Variants in MEGF11 observed in about 807,000 individuals in gnomAD.
The protein encoded by MEGF11 is multiple epidermal growth factor-like domains protein 11.
A neutral mutation model predicts 146.6 loss-of-function variants in MEGF11; 126 were observed. The observed-to-expected ratio is 0.86, with a 90% CI of 0.74 to 1.00. The LOEUF (loss-of-function observed/expected upper bound fraction) is 1.00, where lower values mean the gene tolerates loss of function less well. MEGF11 is among the 50% of genes least tolerant of loss of function. MEGF11 has a pLI of 0.00. For missense variants in MEGF11, 1,509 were observed against 1,521.2 expected (o/e 0.99, Z 0.13); for synonymous variants, 532 against 583.4 (o/e 0.91, Z 1.27).
At chr15:65,976,063 G>A (rs2081435789) in intron 7 of MEGF11, among the ~76,000 whole-genome samples, 1 of 111,204 alleles carries the variant, frequency 9.0e-6, no homozygotes, top group African/African-American at 3.8e-5. Context: ...TTTTTTTTGA[G>A]ATGGAGTCTC....
In MEGF11 at chr15:65,982,146, C is replaced by G. The variant is rs2081662301; in HGVS notation, c.641+96G>C. On this transcript the variant is annotated intron_variant, in intron 6 of 25. Transcript: ENST00000395614. This position sits in a 1 kb window ranked among gnomAD's most constrained non-coding sequence, Gnocchi z 5.6. ...TGAGGGCAGCCACTCCAGGCCCCGCCCCAGCCCCTCCACCTCCTCTACCCT... is the reference window on the plus strand; with the variant it reads ...TGAGGGCAGCCACTCCAGGCCCCGCGCCAGCCCCTCCACCTCCTCTACCCT... The G allele has an allele frequency of 7.6e-7, 1 of 1,316,532 alleles. No homozygotes were observed. Among genetic ancestry groups the G allele is most frequent in the Non-Finnish European group, 9.9e-7 (1 of 1,009,228 alleles). The allele number at this position is 1,316,532 out of a possible 1,614,324, so 81.6% of individuals were successfully genotyped here.
intron 10 of MEGF11, among the ~76,000 whole-genome samples, chr15:65,934,743 T>A (rs913411002): frequency 6.6e-6 from 1 of 152,186 alleles, no homozygotes; most frequent in Non-Finnish European, 1.5e-5. Flanking sequence ...GATTCCCATG[T>A]AACGAAGTCT....
intron 10 of MEGF11, among the ~76,000 whole-genome samples, chr15:65,931,291 A>G (rs1486052689): frequency 6.6e-6 from 1 of 152,172 alleles, no homozygotes; most frequent in East Asian, 1.9e-4. Flanking sequence ...GAGCTGAGGA[A>G]TGCAGTGGCC....
intron 8 of MEGF11, among the ~76,000 whole-genome samples, chr15:65,965,603 T>TCTTTCTTTCTTTCTTTC (rs769147313): frequency 1.4e-5 from 1 of 72,188 alleles, no homozygotes; most frequent in Non-Finnish European, 3.1e-5. Context: ...TTTCTTTCTT[T>TCTTTCTTTCTTTCTTTC]TTTTTTTTTC....
In MEGF11 at chr15:66,127,333, C is replaced by A. The variant is rs371198949; in HGVS notation, c.98+973G>T. ...CAGGATCTGGTCTCCAGGGATCACA[C>A]AAGTGCAGGCACTGTCCCTCTGCCT... On this transcript the variant is annotated intron_variant, in intron 2 of 25. Coordinates refer to ENST00000395614, the MANE Select transcript of MEGF11 (RefSeq NM_001385028.1). Among the ~76,000 whole-genome samples, 3 of 152,358 alleles carry A rather than the reference C, an allele frequency of 2.0e-5. No individual in the cohort carries two copies. The East Asian group carries it at 5.8e-4, about 29-fold the overall frequency.
intron 21 of MEGF11, chr15:65,910,127 G>A: frequency 2.0e-6 from 1 of 501,278 alleles, no homozygotes; most frequent in East Asian, 4.4e-5. Context: ...TTTAGGAGAG[G>A]GGCCTCTGGT....
intron 10 of MEGF11, among the ~76,000 whole-genome samples, chr15:65,953,891 TTA>T (rs1331022675): frequency 6.6e-6 from 1 of 152,036 alleles, no homozygotes; most frequent in African/African-American, 2.4e-5. Flanking sequence ...CTCCTCACGT[TTA>T]TGTTGAGCCC....
intron 1 of MEGF11, among the ~76,000 whole-genome samples, chr15:66,191,260 G>A (rs1394625781): frequency 6.6e-6 from 1 of 152,196 alleles, no homozygotes; most frequent in African/African-American, 2.4e-5. Flanking sequence ...AGGGAGGGCC[G>A]CTCTCCGGGC....
intron 4 of MEGF11, among the ~76,000 whole-genome samples, chr15:66,099,508 G>A (rs1233041403): frequency 6.6e-6 from 1 of 152,074 alleles, no homozygotes; most frequent in Non-Finnish European, 1.5e-5. Flanking sequence ...ATTTGGTGGT[G>A]CCCTTGCTGA....
chr15:65,939,492 CTTT>C (rs869271515), intron 10 of MEGF11, among the ~76,000 whole-genome samples: 21 of 134,996 alleles, frequency 1.6e-4, no homozygotes, highest in Non-Finnish European at 1.1e-4. Flanking sequence ...CAGCTCCCAA[CTTT>C]TTTTTTTTTT....
At chr15:66,240,320 G>A (rs1326453851) in intron 1 of MEGF11, among the ~76,000 whole-genome samples, 1 of 152,212 alleles carries the variant, frequency 6.6e-6, no homozygotes. Flanking sequence ...ACAGACAAGG[G>A]TGCTCCTGCT....
chr15:66,186,716 A>C (rs2090715068), intron 1 of MEGF11, among the ~76,000 whole-genome samples: 1 of 152,218 alleles, frequency 6.6e-6, no homozygotes, highest in South Asian at 2.1e-4. Flanking sequence ...TGCAGAGGCA[A>C]ATACCATTTG....
Position 65,916,154 on chromosome 15 carries a change from C to T in MEGF11, c.2338G>A (p.Glu780Lys), listed in dbSNP as rs1320553485. 20 of 1,589,570 alleles carry T rather than the reference C, an allele frequency of 1.3e-5. No individual in the cohort carries two copies. Among genetic ancestry groups the T allele is most frequent in the Non-Finnish European group, 1.6e-5 (19 of 1,167,438 alleles). The change falls in exon 18 of 26, where the codon GAG (glutamate) becomes AAG (lysine). Residue 780 changes from glutamate (E) to lysine (K), a missense_variant. By Grantham distance (56) the Glu-to-Lys change is moderately conservative. Transcript: ENST00000395614. ...CRTGFTGQHC[E>K]QRCAPGTFGY... ...AGGGGTCAGGGCAGCTTACTCTGCT[C>T]ACAGTGTTGCCCGGTGAAGCCTGTG...
chr15:65,921,628 G>C (rs543281600), intron 15 of MEGF11: 95 of 152,428 alleles, frequency 6.2e-4, no homozygotes, highest in African/African-American at 2.1e-3. Context: ...CCTTCTCACT[G>C]GTTGTTCAAT....
At chr15:66,250,896 C>A (rs1206851724) in intron 1 of MEGF11, among the ~76,000 whole-genome samples, 4 of 150,996 alleles carry the variant, frequency 2.6e-5, no homozygotes, top group Non-Finnish European at 5.9e-5. Context: ...AAGTGAGACT[C>A]CGTCTCAAAA....
intron 5 of MEGF11, among the ~76,000 whole-genome samples, chr15:66,073,846 C>T (rs1361372872): frequency 6.6e-6 from 1 of 152,222 alleles, no homozygotes; most frequent in Non-Finnish European, 1.5e-5. Context: ...TGTTGAACTA[C>T]ATTAAGTGAA....
At chr15:66,113,805 C>T (rs957609389) in intron 4 of MEGF11, among the ~76,000 whole-genome samples, 2 of 151,830 alleles carry the variant, frequency 1.3e-5, no homozygotes, top group Admixed American at 1.3e-4. Flanking sequence ...GGTGTGAACC[C>T]GGGAGGCGGA....
At chr15:65,912,403 T>C (rs1476743236) in intron 20 of MEGF11, 7 of 365,548 alleles carry the variant, frequency 1.9e-5, no homozygotes, top group Non-Finnish European at 2.9e-5. Context: ...ACGCTGGTCC[T>C]CCCTGCAGCA....
intron 1 of MEGF11, among the ~76,000 whole-genome samples, chr15:66,239,456 T>A (rs2092162843): frequency 6.6e-6 from 1 of 152,218 alleles, no homozygotes; most frequent in African/African-American, 2.4e-5. Context: ...CTCCAGCACC[T>A]GGCCCCAGTC....
Sources: gnomAD v4.1 joint callset for allele counts (sites outside exome capture counted in the v4.1 genomes callset) on GRCh38, gnomAD v4.1.1 for gene constraint, Gnocchi (gnomAD v3.1) non-coding constraint, MANE v1.5 for transcripts, NCBI Gene and HGNC (gene_info 2026-07-23, HGNC 2026-07-21) for gene names.